Variants in TRIM44 observed in about 807,000 individuals in gnomAD.
TRIM44 encodes tripartite motif-containing protein 44.
In TRIM44, 13 loss-of-function variants were observed where a neutral mutation model predicts 37.4. That is an observed-to-expected ratio of 0.35 (90% CI 0.23 to 0.55). TRIM44 has a LOEUF of 0.55. TRIM44 is among the 20% of genes least tolerant of loss of function. The pLI, the probability that TRIM44 is intolerant of heterozygous loss-of-function variation, is 0.89. For missense variants in TRIM44, 426 were observed against 437.2 expected, an observed-to-expected ratio of 0.97 and a Z score of 0.23; for synonymous variants, 175 against 157.2, an observed-to-expected ratio of 1.11 and a Z score of -0.85.
rs1853539333 is a variant in TRIM44, at chr11:35,812,473, G to C, written c.*6088G>C. The C allele has an allele frequency of 6.6e-6, 1 of 152,148 alleles. No individual in the cohort carries two copies. Among genetic ancestry groups the C allele is most frequent in the Non-Finnish European group, 1.5e-5 (1 of 68,036 alleles). 9.4% of individuals were successfully genotyped at this position (152,148 alleles called of 1,614,324 possible). On this transcript the variant is annotated 3_prime_UTR_variant, in exon 5 of 5. Coordinates refer to ENST00000299413, the MANE Select transcript of TRIM44 (RefSeq NM_017583.6). ...CTTTCTCTGGGCCAGGTACTCTCCT[G>C]TTGTTTTTCACATTATCATAATAGT...
At chr11:35,790,343 G>A (rs1490503006) in intron 4 of TRIM44, among the ~76,000 whole-genome samples, 2 of 152,130 alleles carry the variant, frequency 1.3e-5, no homozygotes, top group Non-Finnish European at 2.9e-5. Flanking sequence ...AGGCTTAATG[G>A]CTTATGGGAG....
At chr11:35,708,509 A>T (rs1334667827) in intron 2 of TRIM44, among the ~76,000 whole-genome samples, 2 of 151,920 alleles carry the variant, frequency 1.3e-5, no homozygotes, top group Admixed American at 1.3e-4. Context: ...CTTGGAACCA[A>T]CCCAAATGTC....
Position 35,800,095 on chromosome 11 carries a change from G to A in TRIM44, c.1008-6263G>A, listed in dbSNP as rs571069053. On this transcript the variant is annotated intron_variant, in intron 4 of 4. Transcript: ENST00000299413. ...TTCAAGAATGAAGCCGCGGACCTTC[G>A]CGGTGAGTGTTACAGCTCTTAAAGG... 1.1e-4 allele frequency among the ~76,000 whole-genome samples: 16 copies of A among 152,084 alleles called. No homozygotes were observed. The East Asian group carries it at 1.5e-3, about 15-fold the overall frequency.
At chr11:35,689,989 C>T (rs1851622642) in intron 2 of TRIM44, among the ~76,000 whole-genome samples, 1 of 152,190 alleles carries the variant, frequency 6.6e-6, no homozygotes. Context: ...ACAGTTAGCA[C>T]AGTTGTGTGT....
At chr11:35,806,332 CA>C in intron 4 of TRIM44, 25 bp from the exon 5 acceptor site, 1 of 1,613,364 alleles carries the variant, frequency 6.2e-7, no homozygotes, top group Non-Finnish European at 8.5e-7. Flanking sequence ...TATCTTAACT[CA>C]CCTGGTTCTC....
intron 4 of TRIM44, among the ~76,000 whole-genome samples, chr11:35,791,421 A>G (rs896694074): frequency 6.6e-6 from 1 of 152,110 alleles, no homozygotes. Context: ...GCAATGTGGT[A>G]GATGCCATAT....
At chr11:35,795,581 T>A (rs1853272273) in intron 4 of TRIM44, among the ~76,000 whole-genome samples, 1 of 152,186 alleles carries the variant, frequency 6.6e-6, no homozygotes, top group South Asian at 2.1e-4. Context: ...ACCGTCTTTA[T>A]TTTTTAAATG....
chr11:35,700,618 C>G (rs775911697), intron 2 of TRIM44, among the ~76,000 whole-genome samples: 4 of 152,216 alleles, frequency 2.6e-5, no homozygotes, highest in Non-Finnish European at 4.4e-5. Context: ...GATTTTCCAA[C>G]TTATCCTAAA....
At position 35,685,519 on chromosome 11, in the gene TRIM44, A is replaced by G. The variant is rs1590504630; in HGVS notation, c.747+183A>G. 1.3e-5 allele frequency among the ~76,000 whole-genome samples: 2 copies of G among 152,340 alleles called. 1 individual carries two copies. The highest frequency in any genetic ancestry group is 4.1e-4 in the South Asian group (2 of 4,826). ...AAGTCATCTATTTTTCTCCTTCTCT[A>G]TTTTATGACTTACAACACATAATCA... is the stretch of plus-strand genomic sequence containing the variant. On this transcript the variant is annotated intron_variant, in intron 2 of 4. Transcript: ENST00000299413.
At chr11:35,669,271 CT>C (rs1272193372) in intron 1 of TRIM44, among the ~76,000 whole-genome samples, 1 of 152,148 alleles carries the variant, frequency 6.6e-6, no homozygotes, top group Non-Finnish European at 1.5e-5. Flanking sequence ...TTGGACCAAA[CT>C]TTCAGGAGGA....
chr11:35,703,568 C>T (rs1196760764), intron 2 of TRIM44, among the ~76,000 whole-genome samples: 1 of 152,160 alleles, frequency 6.6e-6, no homozygotes, highest in Non-Finnish European at 1.5e-5. Context: ...ACAAAACTTC[C>T]AGAGGAACGA....
At chr11:35,784,854 T>G (rs1347892501) in intron 4 of TRIM44, among the ~76,000 whole-genome samples, 1 of 152,192 alleles carries the variant, frequency 6.6e-6, no homozygotes, top group Non-Finnish European at 1.5e-5. Context: ...TATTTTCTGT[T>G]TCATAATGAG....
At chr11:35,789,393 G>A (rs1208988718) in intron 4 of TRIM44, among the ~76,000 whole-genome samples, 1 of 152,186 alleles carries the variant, frequency 6.6e-6, no homozygotes. Context: ...TATGTGTAGG[G>A]TAGTGCTTCA....
At position 35,684,379 on chromosome 11, in the gene TRIM44, C is replaced by T. The variant is rs554495839; in HGVS notation, c.670-880C>T. Among the ~76,000 whole-genome samples the T allele has an allele frequency of 1.4e-3, 220 of 152,158 alleles. 1 individual carries two copies. The highest frequency in any genetic ancestry group is 2.5e-3 in the Non-Finnish European group (168 of 68,024). ...ATTGTGGCAGTTATAAAATTATATA[C>T]ATACGCTTGCATTTGGGACTCACAT... On this transcript the variant is annotated intron_variant, in intron 1 of 4. Coordinates refer to ENST00000299413, the MANE Select transcript of TRIM44 (RefSeq NM_017583.6).
chr11:35,745,869 A>AGT (rs1275819353), intron 4 of TRIM44, among the ~76,000 whole-genome samples: 1 of 152,184 alleles, frequency 6.6e-6, no homozygotes, highest in Non-Finnish European at 1.5e-5. Context: ...ATGGGGAGAA[A>AGT]GTACAAACTC....
intron 2 of TRIM44, among the ~76,000 whole-genome samples, chr11:35,710,570 T>C (rs73438942): frequency 0.057 from 8,711 of 152,296 alleles, 826 homozygotes; most frequent in African/African-American, 0.2. Context: ...AGGCTAGTTA[T>C]GGGGAGATGC....
chr11:35,747,354 A>G (rs1208757074), intron 4 of TRIM44, among the ~76,000 whole-genome samples: 2 of 152,216 alleles, frequency 1.3e-5, no homozygotes, highest in South Asian at 2.1e-4. Flanking sequence ...TTGTTTGTGT[A>G]TATGAAGATA....
intron 4 of TRIM44, among the ~76,000 whole-genome samples, chr11:35,775,370 CT>C (rs1403430080): frequency 6.6e-6 from 1 of 152,162 alleles, no homozygotes; most frequent in East Asian, 1.9e-4. Flanking sequence ...AGATTTTGGG[CT>C]GAAACAATGG....
intron 2 of TRIM44, among the ~76,000 whole-genome samples, chr11:35,687,766 C>A (rs1851598152): frequency 6.6e-6 from 1 of 152,172 alleles, no homozygotes; most frequent in Non-Finnish European, 1.5e-5. Flanking sequence ...TCTCTTGATG[C>A]ATCATAAGGT....
Sources: gnomAD v4.1 joint callset for allele counts (sites outside exome capture counted in the v4.1 genomes callset) on GRCh38, gnomAD v4.1.1 for gene constraint, MANE v1.5 for transcripts, NCBI Gene and HGNC (gene_info 2026-07-23, HGNC 2026-07-21) for gene names.